CADM1: variants seen among roughly 807,000 people sequenced by gnomAD.
CADM1 encodes TSLC-1.
CADM1 carries 15 observed loss-of-function variants against 53.1 expected under a neutral mutation model. That is an observed-to-expected ratio of 0.28 (90% CI 0.19 to 0.44). CADM1 has a LOEUF of 0.44. CADM1 is among the 20% of genes least tolerant of loss of function. CADM1 has a pLI of 1.00. For missense variants in CADM1, 434 were observed against 611.3 expected, an observed-to-expected ratio of 0.71 and a Z score of 3.06; for synonymous variants, 281 against 243.0, an observed-to-expected ratio of 1.16 and a Z score of -1.45.
At chr11:115,344,295 G>A (rs756904140) in intron 1 of CADM1, among the ~76,000 whole-genome samples, 3 of 151,730 alleles carry the variant, frequency 2.0e-5, no homozygotes, top group Non-Finnish European at 4.4e-5. Context: ...GGTACTAATC[G>A]CAGTCCCAAA....
intron 1 of CADM1, among the ~76,000 whole-genome samples, chr11:115,404,749 T>G (rs1947269556): frequency 6.6e-6 from 1 of 150,918 alleles, no homozygotes; most frequent in Non-Finnish European, 1.5e-5. Context: ...TCTCAGTTAT[T>G]TGGGAGGCTG....
rs1028076585 is a variant in CADM1, at chr11:115,492,500, A to G, written c.124+11771T>C. ...AATAAATGATCCTAACTGTATACCT[A>G]TTGATACATAACACACACACAAAAA... On this transcript the variant is annotated intron_variant, in intron 1 of 11. Coordinates refer to ENST00000331581, the MANE Select transcript of CADM1 (RefSeq NM_001301043.2). Among the ~76,000 whole-genome samples, 5 of 152,346 alleles carry G rather than the reference A, an allele frequency of 3.3e-5. 1 individual carries two copies. Among genetic ancestry groups the G allele is most frequent in the Admixed American group, 6.5e-5 (1 of 15,312 alleles).
chr11:115,211,499 A>G (rs1168087841), intron 7 of CADM1, among the ~76,000 whole-genome samples: 1 of 6,866 alleles, frequency 1.5e-4, no homozygotes, highest in Non-Finnish European at 3.2e-4. Context: ...TTTTTTTTTT[A>G]GACGGAGTCT....
rs1938886898 is a variant in CADM1 at position 115,173,760 on chromosome 11, T to C, written c.*2714A>G. 10 of 980,146 alleles carry C rather than the reference T, an allele frequency of 1.0e-5. No individual in the cohort carries two copies. The highest frequency in any genetic ancestry group is 1.2e-5 in the Non-Finnish European group (10 of 825,364). The allele number at this position is 980,146 out of a possible 1,614,324, so 60.7% of individuals were successfully genotyped here. On this transcript the variant is annotated 3_prime_UTR_variant, in exon 12 of 12. Coordinates refer to ENST00000331581, the MANE Select transcript of CADM1 (RefSeq NM_001301043.2). ...GAATGGGAACATATGGATATGGAGTTTCTTACACTGTAACATTGTCCATGT... is the reference window on the plus strand; with the variant it reads ...GAATGGGAACATATGGATATGGAGTCTCTTACACTGTAACATTGTCCATGT...
At chr11:115,404,986 T>C (rs1160821258) in intron 1 of CADM1, among the ~76,000 whole-genome samples, 1 of 152,024 alleles carries the variant, frequency 6.6e-6, no homozygotes, top group African/African-American at 2.4e-5. Context: ...GTCAGTGAAA[T>C]GCAGATTTTT....
intron 9 of CADM1, among the ~76,000 whole-genome samples, chr11:115,192,999 G>A (rs1939961303): frequency 6.6e-6 from 1 of 152,178 alleles, no homozygotes; most frequent in Admixed American, 6.5e-5. Context: ...ACAATACTCT[G>A]CCATAGTTGG....
chr11:115,286,391 G>T (rs565017224), intron 1 of CADM1, among the ~76,000 whole-genome samples: 4 of 152,126 alleles, frequency 2.6e-5, no homozygotes, highest in African/African-American at 7.2e-5. Flanking sequence ...TTTTGTTTAG[G>T]CCAGGAAACA....
chr11:115,355,720 A>T (rs528531920), intron 1 of CADM1, among the ~76,000 whole-genome samples: 363 of 53,230 alleles, frequency 6.8e-3, no homozygotes, highest in African/African-American at 0.013. Context: ...ACACACACAC[A>T]CACACACACA....
intron 1 of CADM1, among the ~76,000 whole-genome samples, chr11:115,306,659 T>G (rs1252420415): frequency 2.0e-5 from 3 of 151,984 alleles, no homozygotes; most frequent in Non-Finnish European, 4.4e-5. Flanking sequence ...TAGGATTGTG[T>G]AGGACTACTC....
At chr11:115,352,301 AC>A (rs1306779620) in intron 1 of CADM1, among the ~76,000 whole-genome samples, 1 of 152,170 alleles carries the variant, frequency 6.6e-6, no homozygotes, top group South Asian at 2.1e-4. Flanking sequence ...GCTTGTCAGC[AC>A]GGAATGATGA....
At chr11:115,267,216 G>A (rs1943166073) in intron 1 of CADM1, among the ~76,000 whole-genome samples, 1 of 152,212 alleles carries the variant, frequency 6.6e-6, no homozygotes, top group Non-Finnish European at 1.5e-5. Context: ...GAGTGCTTGA[G>A]GGCAAATGTA....
At chr11:115,442,829 G>A (rs1948351621) in intron 1 of CADM1, among the ~76,000 whole-genome samples, 1 of 152,164 alleles carries the variant, frequency 6.6e-6, no homozygotes, top group Non-Finnish European at 1.5e-5. Flanking sequence ...CAGCTGTTCA[G>A]TCCACCACCC....
chr11:115,355,452 T>C (rs1202034295), intron 1 of CADM1, among the ~76,000 whole-genome samples: 3 of 151,994 alleles, frequency 2.0e-5, no homozygotes, highest in African/African-American at 7.3e-5. Context: ...CAACAGACAC[T>C]GGGGCCTACT....
intron 3 of CADM1, among the ~76,000 whole-genome samples, chr11:115,233,043 C>T (rs902201143): frequency 9.9e-5 from 15 of 152,162 alleles, no homozygotes; most frequent in Non-Finnish European, 1.6e-4. Flanking sequence ...GACTTTTACA[C>T]TGAATTGGAG....
intron 1 of CADM1, among the ~76,000 whole-genome samples, chr11:115,438,640 T>C (rs933803759): frequency 1.3e-5 from 2 of 152,220 alleles, no homozygotes; most frequent in Admixed American, 6.5e-5. Context: ...ATTAAAATGA[T>C]CATTTAGAAT....
chr11:115,175,801 T>A lies in CADM1; in HGVS notation c.*673A>T. 1.0e-6 allele frequency: 1 copy of A among 992,594 alleles called. No homozygotes were observed. The allele number at this position is 992,594 out of a possible 1,614,324, so 61.5% of individuals were successfully genotyped here. On this transcript the variant is annotated 3_prime_UTR_variant, in exon 12 of 12. Coordinates refer to ENST00000331581, the MANE Select transcript of CADM1 (RefSeq NM_001301043.2). ...AAACAGAACATTTTCTGAATCACAG[T>A]CTAATTTTCTAGTCTTCACTGCTCT...
intron 1 of CADM1, among the ~76,000 whole-genome samples, chr11:115,268,523 T>C (rs939533350): frequency 2.0e-5 from 3 of 152,196 alleles, no homozygotes; most frequent in African/African-American, 7.2e-5. Flanking sequence ...TCTCAGGCTC[T>C]GTGCTCAATA....
chr11:115,344,874 A>T (rs191788579), intron 1 of CADM1, among the ~76,000 whole-genome samples: 1 of 152,276 alleles, frequency 6.6e-6, no homozygotes, highest in East Asian at 1.9e-4. Context: ...GTGTCTACAG[A>T]TAAAATAAAA....
At chr11:115,331,497 T>C (rs534404766) in intron 1 of CADM1, among the ~76,000 whole-genome samples, 45 of 152,298 alleles carry the variant, frequency 3.0e-4, no homozygotes, top group African/African-American at 1.1e-3. Context: ...GTTCAGGTTA[T>C]TCCAACTAAT....
Sources: allele counts gnomAD v4.1 joint callset (sites outside exome capture counted in the v4.1 genomes callset), GRCh38; gene constraint gnomAD v4.1.1; transcripts MANE v1.5; gene names NCBI Gene and HGNC (gene_info 2026-07-23, HGNC 2026-07-21).